The following SPAG17 variants were observed in gnomAD, a reference collection of about 807,000 sequenced individuals.
SPAG17 encodes sperm associated antigen 17.
Under a neutral mutation model 273.6 loss-of-function variants are expected in SPAG17, and 169 were observed. That is an observed-to-expected ratio of 0.62 (90% CI 0.55 to 0.70). The LOEUF (loss-of-function observed/expected upper bound fraction) is 0.70. SPAG17 is among the 30% of genes least tolerant of loss of function. The pLI is 0.00. For synonymous variants in SPAG17, 825 were observed against 873.2 expected, an observed-to-expected ratio of 0.94 and a Z score of 0.97; for missense variants, 2,557 against 2,627.8, an observed-to-expected ratio of 0.97 and a Z score of 0.59.
rs553979209 is a variant in SPAG17 at position 118,146,316 on chromosome 1, G to C, written c.315+4227C>G. Among the ~76,000 whole-genome samples the C allele has an allele frequency of 3.9e-5, 6 of 152,080 alleles. No homozygotes were observed. In the East Asian group the frequency reaches 1.2e-3, roughly 29 times the overall value. ...TACTGATATTTTCCTTTTTAATTTT[G>C]GTCAGGACTGACTATACCTGTAAAT... On this transcript the variant is annotated intron_variant, in intron 3 of 48. Coordinates refer to ENST00000336338, the MANE Select transcript of SPAG17 (RefSeq NM_206996.4).
chr1:118,161,403 C>T (rs1659902048), intron 1 of SPAG17, among the ~76,000 whole-genome samples: 1 of 152,120 alleles, frequency 6.6e-6, no homozygotes, highest in African/African-American at 2.4e-5. Context: ...CAAGATCAAT[C>T]AATCCTAGTG....
At chr1:118,052,390 G>T (rs1157961669) in intron 20 of SPAG17, among the ~76,000 whole-genome samples, 4 of 151,590 alleles carry the variant, frequency 2.6e-5, no homozygotes, top group Admixed American at 6.6e-5. Flanking sequence ...GGTTACCAGG[G>T]GCTGCAGGAA....
chr1:118,095,879 G>A (rs545959902), intron 7 of SPAG17, among the ~76,000 whole-genome samples: 1 of 152,256 alleles, frequency 6.6e-6, no homozygotes, highest in South Asian at 2.1e-4. Context: ...AGGTTTAGGA[G>A]GCAGGAGAGT....
chr1:118,125,163 A>C (rs919004452), intron 3 of SPAG17, among the ~76,000 whole-genome samples: 1 of 151,986 alleles, frequency 6.6e-6, no homozygotes, highest in Non-Finnish European at 1.5e-5. Context: ...AGCTCCAGCT[A>C]TTGCTCGTCT....
rs144705550 is a variant in SPAG17, at chr1:118,074,569, A to C, written c.2241T>G (p.Asp747Glu). 1.5e-3 allele frequency: 2,470 copies of C among 1,613,762 alleles called. 3 individuals are homozygous for C. The highest frequency in any genetic ancestry group is 1.9e-3 in the Non-Finnish European group (2,286 of 1,179,800). Residue 747 changes from aspartate (D) to glutamate (E), a missense_variant, in exon 16 of 49, where the codon GAT (aspartate) becomes GAG (glutamate). By Grantham distance (45) the Asp-to-Glu change is conservative (BLOSUM62 2). Transcript: ENST00000336338. ...CATGAGAATCAGCCTTTGTGACTGC[A>C]TCATCTTTGATCTCATTGTTTGTGG... ...EQTTNNEIKD[D>E]AVTKADSHEK...
At chr1:118,006,715 T>G (rs1401010355) in intron 31 of SPAG17, among the ~76,000 whole-genome samples, 1 of 152,216 alleles carries the variant, frequency 6.6e-6, no homozygotes, top group Admixed American at 6.5e-5. Flanking sequence ...CTTTCCAAAG[T>G]GACTTATACC....
At chr1:118,004,477 G>A (rs1310916294) in intron 32 of SPAG17, among the ~76,000 whole-genome samples, 2 of 152,190 alleles carry the variant, frequency 1.3e-5, no homozygotes, top group Admixed American at 6.5e-5. Flanking sequence ...TGCCCATTTC[G>A]AGCTTCCTGG....
chr1:118,017,556 T>C (rs1660099582), intron 28 of SPAG17, among the ~76,000 whole-genome samples: 2 of 152,178 alleles, frequency 1.3e-5, no homozygotes, highest in South Asian at 4.1e-4. Context: ...TGATATTTAA[T>C]AACTAAAGTG....
At chr1:118,017,516 C>G (rs922258861) in intron 28 of SPAG17, among the ~76,000 whole-genome samples, 1 of 151,922 alleles carries the variant, frequency 6.6e-6, no homozygotes, top group African/African-American at 2.4e-5. Context: ...TTTAGCAGTA[C>G]GTTAGAGACC....
rs116409166 is a variant in SPAG17 at position 118,114,920 on chromosome 1, C to A, written c.447+390G>T. On this transcript the variant is annotated intron_variant, in intron 4 of 48. Coordinates refer to ENST00000336338, the MANE Select transcript of SPAG17 (RefSeq NM_206996.4). ...TTTAAAAGGCACTTCTATAGAGTATCATATAAACTATCTTAAATAGTTAGA... is the reference window on the plus strand; with the variant it reads ...TTTAAAAGGCACTTCTATAGAGTATAATATAAACTATCTTAAATAGTTAGA... 4.2e-3 allele frequency among the ~76,000 whole-genome samples: 642 copies of A among 152,280 alleles called. 4 individuals are homozygous for A. Among genetic ancestry groups the A allele is most frequent in the African/African-American group, 0.015 (610 of 41,570 alleles).
chr1:118,045,582 T>G (rs760969324), intron 20 of SPAG17, among the ~76,000 whole-genome samples: 8 of 152,210 alleles, frequency 5.3e-5, no homozygotes, highest in Non-Finnish European at 1.2e-4. Flanking sequence ...TAAACCAGAA[T>G]AGTAAGCACA....
At chr1:118,124,765 G>T (rs376450239) in intron 3 of SPAG17, among the ~76,000 whole-genome samples, 1 of 152,246 alleles carries the variant, frequency 6.6e-6, no homozygotes, top group East Asian at 1.9e-4. Flanking sequence ...AGAAACTGAG[G>T]CCTGGTGATC....
intron 1 of SPAG17, among the ~76,000 whole-genome samples, chr1:118,158,066 TA>T (rs1328628999): frequency 6.6e-6 from 1 of 152,216 alleles, no homozygotes; most frequent in East Asian, 1.9e-4. Flanking sequence ...TTCTCTTGGA[TA>T]ATAATAAACT....
intron 3 of SPAG17, among the ~76,000 whole-genome samples, chr1:118,148,241 T>G (rs938671116): frequency 6.6e-5 from 10 of 152,292 alleles, no homozygotes; most frequent in Non-Finnish European, 1.5e-4. Context: ...TTCCTTCCAG[T>G]GGGTTCCTCG....
intron 32 of SPAG17, among the ~76,000 whole-genome samples, chr1:118,003,104 T>C (rs2101722521): frequency 6.6e-6 from 1 of 152,316 alleles, no homozygotes; most frequent in Non-Finnish European, 1.5e-5. Context: ...TGGCTGGATA[T>C]GAAATTTGGG....
chr1:117,969,181 A>G (rs1172803785), intron 46 of SPAG17, among the ~76,000 whole-genome samples: 1 of 152,186 alleles, frequency 6.6e-6, no homozygotes, highest in Non-Finnish European at 1.5e-5. Context: ...TTTACTAAAC[A>G]TGCCATTTTG....
chr1:117,994,109 A>G (rs1657401402), intron 35 of SPAG17, among the ~76,000 whole-genome samples: 1 of 152,174 alleles, frequency 6.6e-6, no homozygotes, highest in Non-Finnish European at 1.5e-5. Context: ...TCCATGACAG[A>G]GGTGTAACCT....
At chr1:118,078,150 C>G (rs1460515610) in intron 15 of SPAG17, among the ~76,000 whole-genome samples, 2 of 152,118 alleles carry the variant, frequency 1.3e-5, no homozygotes, top group Non-Finnish European at 2.9e-5. Context: ...CTCTACCAAT[C>G]CTATTCCATT....
At chr1:118,152,333 C>G (rs1659434421) in intron 1 of SPAG17, among the ~76,000 whole-genome samples, 1 of 152,088 alleles carries the variant, frequency 6.6e-6, no homozygotes, top group South Asian at 2.1e-4. Context: ...AAAATGGTCT[C>G]CTGGTGAATA....
Sources: allele counts gnomAD v4.1 joint callset (sites outside exome capture counted in the v4.1 genomes callset), GRCh38; gene constraint gnomAD v4.1.1; transcripts MANE v1.5; gene names NCBI Gene and HGNC (gene_info 2026-07-23, HGNC 2026-07-21).